The following SSBP3 variants were observed in gnomAD, a reference collection of about 807,000 sequenced individuals.
SSBP3 encodes the protein single-stranded DNA-binding protein 3.
SSBP3 carries 5 observed loss-of-function variants against 69.6 expected under a neutral mutation model. The ratio of observed to expected loss-of-function variants is 0.07; its 90% CI spans 0.04 to 0.15. The LOEUF is 0.15. SSBP3 is among the 10% of genes least tolerant of loss of function. The pLI, the probability that SSBP3 is intolerant of heterozygous loss-of-function variation, is 1.00. For missense variants in SSBP3, 312 were observed against 534.0 expected (o/e 0.58, Z 4.10); for synonymous variants, 196 against 193.4 (o/e 1.01, Z -0.11).
intron 1 of SSBP3, chr1:54,405,313 T>C: frequency 3.7e-6 from 1 of 270,394 alleles, no homozygotes; most frequent in Non-Finnish European, 7.2e-6. Context: ...GGCCCTGGAC[T>C]CCGGGTGCTT....
At chr1:54,269,488 G>T (rs953682312) in intron 5 of SSBP3, among the ~76,000 whole-genome samples, 4 of 152,210 alleles carry the variant, frequency 2.6e-5, no homozygotes, top group Non-Finnish European at 4.4e-5. Context: ...TAAGCTCTTG[G>T]ACCTTTTCTA....
chr1:54,379,220 C>CA (rs1232736462), intron 4 of SSBP3, among the ~76,000 whole-genome samples: 4 of 152,240 alleles, frequency 2.6e-5, no homozygotes, highest in Non-Finnish European at 5.9e-5. Flanking sequence ...TTCTAGTCTG[C>CA]AGGAGGGCCT....
intron 2 of SSBP3, 22 bp from the exon 3 acceptor site, chr1:54,404,659 C>A: frequency 6.2e-7 from 1 of 1,613,918 alleles, no homozygotes; most frequent in Non-Finnish European, 8.5e-7. Flanking sequence ...AGAGCAGAAG[C>A]AGCTTAGAGG....
intron 17 of SSBP3, 57 bp downstream of exon 17, chr1:54,228,198 T>C (rs1253582357): frequency 1.2e-5 from 18 of 1,508,326 alleles, no homozygotes; most frequent in Non-Finnish European, 1.6e-5. Flanking sequence ...CGCAACTTGT[T>C]AGGAAAGAGT....
intron 4 of SSBP3, among the ~76,000 whole-genome samples, chr1:54,376,362 A>G (rs1647236382): frequency 6.6e-6 from 1 of 152,102 alleles, no homozygotes; most frequent in South Asian, 2.1e-4. Flanking sequence ...CAGCCTCTAA[A>G]CCCACTACCC....
At position 54,383,178 on chromosome 1, in the gene SSBP3, G is replaced by A. The variant is rs529963453; in HGVS notation, c.276+18683C>T. 1.6e-3 allele frequency among the ~76,000 whole-genome samples: 235 copies of A among 151,404 alleles called. 1 individual carries two copies. Among genetic ancestry groups the A allele is most frequent in the Non-Finnish European group, 1.7e-3 (114 of 67,840 alleles). ...TGTCTGAGCTCAGGAGTTTGAGACCGGCCTGGGCAACACAGTAAAACCCCA... is the reference window on the plus strand; with the variant it reads ...TGTCTGAGCTCAGGAGTTTGAGACCAGCCTGGGCAACACAGTAAAACCCCA... On this transcript the variant is annotated intron_variant, in intron 4 of 17. Transcript: ENST00000610401.
chr1:54,407,822 T>C (rs1297918858), upstream of SSBP3, among the ~76,000 whole-genome samples: 8 of 145,344 alleles, frequency 5.5e-5, no homozygotes, highest in Non-Finnish European at 1.2e-4. Context: ...CCCCCTAACA[T>C]GCCTCGCACC....
intron 4 of SSBP3, among the ~76,000 whole-genome samples, chr1:54,323,958 T>C (rs1646258029): frequency 6.6e-6 from 1 of 152,236 alleles, no homozygotes; most frequent in South Asian, 2.1e-4. Context: ...ATTTATAGAA[T>C]GCCAGCATCG....
At chr1:54,244,733 T>A (rs547890408) in intron 9 of SSBP3, among the ~76,000 whole-genome samples, 1 of 152,274 alleles carries the variant, frequency 6.6e-6, no homozygotes, top group East Asian at 1.9e-4. Context: ...TTCCCTGCAG[T>A]CATACATGCC....
chr1:54,282,992 C>T (rs546830526), intron 4 of SSBP3, among the ~76,000 whole-genome samples: 1 of 152,198 alleles, frequency 6.6e-6, no homozygotes, highest in Non-Finnish European at 1.5e-5. Context: ...AGAGGCTGGG[C>T]GTGGTGGCTC....
chr1:54,300,648 AT>A (rs955623996), intron 4 of SSBP3, among the ~76,000 whole-genome samples: 2 of 152,102 alleles, frequency 1.3e-5, no homozygotes, highest in African/African-American at 4.8e-5. Context: ...ACCATCTGTT[AT>A]TTTTCTCTAA....
chr1:54,323,256 A>C (rs1205287192), intron 4 of SSBP3, among the ~76,000 whole-genome samples: 2 of 152,094 alleles, frequency 1.3e-5, no homozygotes, highest in African/African-American at 2.4e-5. Context: ...GGGCTTAATC[A>C]GTGTTGTAAA....
chr1:54,362,533 G>A (rs1473275619), intron 4 of SSBP3, among the ~76,000 whole-genome samples: 1 of 152,166 alleles, frequency 6.6e-6, no homozygotes, highest in Non-Finnish European at 1.5e-5. Flanking sequence ...GGTGAGTAAG[G>A]ACCCAGAAGG....
chr1:54,302,537 A>G (rs936129733), intron 4 of SSBP3, among the ~76,000 whole-genome samples: 7 of 152,038 alleles, frequency 4.6e-5, no homozygotes, highest in Admixed American at 2.6e-4. Context: ...GTCTCGTCTT[A>G]GCATAATGTT....
At chr1:54,267,335 G>C (rs1645119168) in intron 5 of SSBP3, among the ~76,000 whole-genome samples, 1 of 152,332 alleles carries the variant, frequency 6.6e-6, no homozygotes, top group African/African-American at 2.4e-5. Context: ...CTATCTGGCA[G>C]TCACTCTAAC....
chr1:54,343,687 C>T (rs895417834), intron 4 of SSBP3, among the ~76,000 whole-genome samples: 8 of 152,222 alleles, frequency 5.3e-5, no homozygotes, highest in African/African-American at 1.7e-4. Flanking sequence ...CAGGTATCTA[C>T]GGCCCCATAA....
intron 5 of SSBP3, among the ~76,000 whole-genome samples, chr1:54,260,752 TG>T (rs890944257): frequency 1.1e-4 from 6 of 53,796 alleles, no homozygotes; most frequent in African/African-American, 4.1e-4. Context: ...CTCTGGCTCA[TG>T]GGGAACAAGC....
chr1:54,299,098 G>T (rs1157097458), intron 4 of SSBP3, among the ~76,000 whole-genome samples: 1 of 152,100 alleles, frequency 6.6e-6, no homozygotes, highest in African/African-American at 2.4e-5. Flanking sequence ...TATTTAATAG[G>T]GAAGACAATA....
At chr1:54,384,397 G>A (rs1427903981) in intron 4 of SSBP3, among the ~76,000 whole-genome samples, 3 of 152,216 alleles carry the variant, frequency 2.0e-5, no homozygotes, top group Non-Finnish European at 2.9e-5. Flanking sequence ...GCACAGAGGG[G>A]CCCTGGGAGG....
Sources: allele counts gnomAD v4.1 joint callset (sites outside exome capture counted in the v4.1 genomes callset), GRCh38; gene constraint gnomAD v4.1.1; transcripts MANE v1.5; gene names NCBI Gene and HGNC (gene_info 2026-07-23, HGNC 2026-07-21).